The following RSRC1 variants were observed in gnomAD, a reference collection of about 807,000 sequenced individuals.
RSRC1 encodes serine/Arginine-related protein 53.
In RSRC1, 39 loss-of-function variants were observed where a neutral mutation model predicts 49.1. The ratio of observed to expected loss-of-function variants is 0.79; its 90% CI spans 0.61 to 1.04. The LOEUF (loss-of-function observed/expected upper bound fraction) is 1.04, where lower values mean the gene tolerates loss of function less well. Ranked by LOEUF, RSRC1 falls within the 50% of genes least tolerant of loss-of-function variation. The probability of loss-of-function intolerance (pLI) is 0.00; values close to 1 mark genes in which losing one functional copy is unlikely to be tolerated. For synonymous variants in RSRC1, 143 were observed against 130.8 expected (o/e 1.09, Z -0.63); for missense variants, 388 against 402.4 (o/e 0.96, Z 0.31).
At chr3:158,397,445 T>C (rs973051701) in intron 6 of RSRC1, among the ~76,000 whole-genome samples, 9 of 152,162 alleles carry the variant, frequency 5.9e-5, no homozygotes, top group Non-Finnish European at 1.0e-4. Flanking sequence ...GAGACGGAAA[T>C]ACCATTTGAC....
intron 7 of RSRC1, among the ~76,000 whole-genome samples, chr3:158,520,026 C>T (rs1711568789): frequency 6.6e-6 from 1 of 152,080 alleles, no homozygotes; most frequent in Admixed American, 6.6e-5. Flanking sequence ...GTGGTCACTT[C>T]TGTTGAATGA....
intron 3 of RSRC1, among the ~76,000 whole-genome samples, chr3:158,172,516 A>G (rs1031039056): frequency 1.3e-5 from 2 of 152,184 alleles, no homozygotes; most frequent in Non-Finnish European, 2.9e-5. Flanking sequence ...ATTAAAAGGA[A>G]GAAATATGTT....
At chr3:158,495,432 G>A (rs1345101338) in intron 7 of RSRC1, among the ~76,000 whole-genome samples, 4 of 152,004 alleles carry the variant, frequency 2.6e-5, no homozygotes, top group African/African-American at 9.7e-5. Context: ...CTACAGGCAT[G>A]TGCCATCATG....
At chr3:158,301,121 G>C (rs567620832) in intron 5 of RSRC1, among the ~76,000 whole-genome samples, 1 of 152,064 alleles carries the variant, frequency 6.6e-6, no homozygotes, top group East Asian at 1.9e-4. Context: ...GTTGCCAAGT[G>C]ATCCTGAGAA....
chr3:158,130,906 A>G (rs1715974753), intron 3 of RSRC1, among the ~76,000 whole-genome samples: 1 of 152,144 alleles, frequency 6.6e-6, no homozygotes, highest in South Asian at 2.1e-4. Flanking sequence ...AAGATAGCTT[A>G]AGATTTTCCA....
intron 7 of RSRC1, among the ~76,000 whole-genome samples, chr3:158,517,753 T>C (rs1360746107): frequency 1.1e-5 from 1 of 92,868 alleles, no homozygotes; most frequent in South Asian, 4.7e-4. Flanking sequence ...AACACCCAGC[T>C]AATTTTTTTT....
In RSRC1 at chr3:158,112,199, A is replaced by G. The variant is rs78392775; in HGVS notation, c.-3+1976A>G. Reference sequence around the variant, plus strand: ...GACTCTAAAAGCCTGTGCTCCATTCATCATTCATTGCCCTTATCAGAAAGA... The same window carrying G: ...GACTCTAAAAGCCTGTGCTCCATTCGTCATTCATTGCCCTTATCAGAAAGA... On this transcript the variant is annotated intron_variant, in intron 1 of 9. Coordinates refer to ENST00000611884, the MANE Select transcript of RSRC1 (RefSeq NM_001271838.2). 2.0e-4 allele frequency among the ~76,000 whole-genome samples: 31 copies of G among 152,330 alleles called. No individual in the cohort carries two copies. The East Asian group carries it at 3.3e-3, about 16-fold the overall frequency.
At chr3:158,516,649 G>A (rs895432992) in intron 7 of RSRC1, among the ~76,000 whole-genome samples, 3 of 152,202 alleles carry the variant, frequency 2.0e-5, no homozygotes, top group African/African-American at 7.2e-5. Context: ...CGGCTGCTTT[G>A]TTTACCTAAG....
intron 6 of RSRC1, among the ~76,000 whole-genome samples, chr3:158,356,566 A>C (rs1731171817): frequency 6.6e-6 from 1 of 152,078 alleles, no homozygotes; most frequent in Non-Finnish European, 1.5e-5. Flanking sequence ...CTTTATGTAG[A>C]AAACATTACT....
intron 4 of RSRC1, among the ~76,000 whole-genome samples, chr3:158,262,348 T>C (rs1201342528): frequency 1.3e-5 from 2 of 152,228 alleles, no homozygotes; most frequent in Non-Finnish European, 2.9e-5. Context: ...TTTGCATATT[T>C]AAAATTTAGT....
At chr3:158,146,277 GCT>G (rs1717110637) in intron 3 of RSRC1, among the ~76,000 whole-genome samples, 1 of 152,124 alleles carries the variant, frequency 6.6e-6, no homozygotes. Flanking sequence ...GTCATTAATA[GCT>G]CTTATTATTT....
At chr3:158,457,730 G>GTT in intron 6 of RSRC1, among the ~76,000 whole-genome samples, 1 of 119,644 alleles carries the variant, frequency 8.4e-6, no homozygotes, top group Non-Finnish European at 1.7e-5. Flanking sequence ...TGTGTTTTGT[G>GTT]TTTTTTTTTG....
intron 3 of RSRC1, among the ~76,000 whole-genome samples, chr3:158,177,240 A>C (rs7651288): frequency 0.63 from 95,906 of 152,066 alleles, 30,871 homozygotes; most frequent in East Asian, 0.73. Flanking sequence ...GTGGTGATTC[A>C]TCGAGGATCT....
chr3:158,517,170 T>C (rs1177154628), intron 7 of RSRC1, among the ~76,000 whole-genome samples: 1 of 136,464 alleles, frequency 7.3e-6, no homozygotes, highest in African/African-American at 2.9e-5. Context: ...TTGCTATTAA[T>C]ATTATTATCA....
At chr3:158,415,465 G>A (rs1734692488) in intron 6 of RSRC1, among the ~76,000 whole-genome samples, 1 of 151,366 alleles carries the variant, frequency 6.6e-6, no homozygotes, top group Admixed American at 6.6e-5. Context: ...AATTAGCTTT[G>A]GCTCCATTAT....
intron 6 of RSRC1, among the ~76,000 whole-genome samples, chr3:158,409,118 C>T (rs1174389358): frequency 2.0e-5 from 3 of 151,920 alleles, no homozygotes; most frequent in African/African-American, 7.3e-5. Flanking sequence ...CAACAGCACA[C>T]ACTGGGGCCT....
chr3:158,152,624 G>A (rs919028298), intron 3 of RSRC1, among the ~76,000 whole-genome samples: 45 of 152,110 alleles, frequency 3.0e-4, no homozygotes, highest in Admixed American at 2.7e-3. Flanking sequence ...AGTTAATTTG[G>A]TATATAAATG....
At chr3:158,335,964 G>A (rs1343344317) in intron 5 of RSRC1, among the ~76,000 whole-genome samples, 1 of 152,178 alleles carries the variant, frequency 6.6e-6, no homozygotes, top group Non-Finnish European at 1.5e-5. Context: ...TAGATTAAGT[G>A]CACAGTAGCA....
chr3:158,215,509 T>C (rs1017106866), intron 4 of RSRC1, among the ~76,000 whole-genome samples: 3 of 151,784 alleles, frequency 2.0e-5, no homozygotes, highest in Admixed American at 1.3e-4. Flanking sequence ...TGTTTGGATT[T>C]AGGTCTTCCC....
Sources: allele counts gnomAD v4.1 joint callset (sites outside exome capture counted in the v4.1 genomes callset), GRCh38; gene constraint gnomAD v4.1.1; transcripts MANE v1.5; gene names NCBI Gene and HGNC (gene_info 2026-07-23, HGNC 2026-07-21).